Variants in COL14A1 observed in about 807,000 individuals in gnomAD.
The protein encoded by COL14A1 is collagen type XIV alpha 1 chain.
COL14A1 carries 136 observed loss-of-function variants against 230.3 expected under a neutral mutation model. That is an observed-to-expected ratio of 0.59 (90% CI 0.51 to 0.68). COL14A1 has a LOEUF of 0.68. COL14A1 is among the 30% of genes least tolerant of loss of function. COL14A1 has a pLI of 0.00. For synonymous variants in COL14A1, 792 were observed against 784.1 expected, an observed-to-expected ratio of 1.01 and a Z score of -0.17; for missense variants, 1,976 against 2,215.8, an observed-to-expected ratio of 0.89 and a Z score of 2.17.
intron 35 of COL14A1, among the ~76,000 whole-genome samples, chr8:120,300,315 T>A (rs1024162642): frequency 3.9e-5 from 6 of 152,296 alleles, no homozygotes; most frequent in Admixed American, 3.3e-4. Context: ...ACAGATATAG[T>A]TGTTTTGATT....
intron 15 of COL14A1, 120 bp downstream of exon 15, chr8:120,225,334 C>A (rs1818062118): frequency 1.2e-6 from 1 of 815,960 alleles, no homozygotes; most frequent in Non-Finnish European, 1.8e-6. Context: ...ATTTTTATTT[C>A]TTTTATGTTA....
At chr8:120,344,522 C>G (rs536638795) in intron 44 of COL14A1, among the ~76,000 whole-genome samples, 1 of 152,200 alleles carries the variant, frequency 6.6e-6, no homozygotes, top group East Asian at 1.9e-4. Context: ...CAACAATGGA[C>G]GTGCCTACTA....
At chr8:120,259,882 GTCAAAAAGAAACAGTTA>G (rs1819270499) in intron 23 of COL14A1, among the ~76,000 whole-genome samples, 1 of 152,062 alleles carries the variant, frequency 6.6e-6, no homozygotes, top group African/African-American at 2.4e-5. Flanking sequence ...ATAGCTAAGG[GTCAAAAAGAAACAGTTA>G]TTGTGGGATT....
intron 5 of COL14A1, among the ~76,000 whole-genome samples, chr8:120,185,722 A>T (rs924460480): frequency 1.3e-5 from 2 of 152,114 alleles, no homozygotes; most frequent in Non-Finnish European, 2.9e-5. Context: ...CTCTGCCGGT[A>T]ACTAGTAAGT....
chr8:120,327,857 C>G (rs1287740504), intron 40 of COL14A1, among the ~76,000 whole-genome samples: 1 of 151,972 alleles, frequency 6.6e-6, no homozygotes, highest in Non-Finnish European at 1.5e-5. Context: ...CTCCACCTCC[C>G]AGGTTCAAGT....
intron 42 of COL14A1, among the ~76,000 whole-genome samples, chr8:120,339,445 G>T (rs73706443): frequency 0.015 from 2,278 of 152,194 alleles, 49 homozygotes; most frequent in African/African-American, 0.05. Flanking sequence ...TTCCTCGGAA[G>T]CCCAGACTTT....
intron 14 of COL14A1, among the ~76,000 whole-genome samples, chr8:120,224,187 C>A (rs1402355862): frequency 2.6e-5 from 4 of 151,934 alleles, no homozygotes; most frequent in Admixed American, 6.6e-5. Flanking sequence ...CCACAACACC[C>A]AGCTAATTTT....
chr8:120,348,395 T>C (rs529406010), intron 45 of COL14A1, among the ~76,000 whole-genome samples: 4 of 151,510 alleles, frequency 2.6e-5, no homozygotes, highest in South Asian at 4.2e-4. Flanking sequence ...CCAGATGAGA[T>C]TGGAGACGAG....
intron 12 of COL14A1, among the ~76,000 whole-genome samples, chr8:120,210,941 A>G (rs72675800): frequency 6.6e-6 from 1 of 152,252 alleles, no homozygotes; most frequent in Non-Finnish European, 1.5e-5. Flanking sequence ...AATAGTGCTG[A>G]GAAGATGCTC....
intron 37 of COL14A1, 37 bp from the exon 38 acceptor site, chr8:120,313,895 C>T: frequency 7.4e-7 from 1 of 1,349,422 alleles, no homozygotes. Flanking sequence ...GAGAGTCTAA[C>T]TTACTTTTAG....
intron 19 of COL14A1, among the ~76,000 whole-genome samples, chr8:120,235,276 T>A (rs966876932): frequency 1.3e-5 from 2 of 152,058 alleles, no homozygotes; most frequent in South Asian, 4.2e-4. Context: ...TTCCAGCGAT[T>A]CTCCTGCCTC....
intron 42 of COL14A1, among the ~76,000 whole-genome samples, chr8:120,334,002 C>T (rs1447960602): frequency 6.6e-6 from 1 of 152,154 alleles, no homozygotes; most frequent in African/African-American, 2.4e-5. Context: ...TTGCCTTTTG[C>T]CACATAAGGT....
At chr8:120,208,208 T>C in intron 10 of COL14A1, 24 bp from the exon 11 acceptor site, 3 of 1,586,082 alleles carry the variant, frequency 1.9e-6, no homozygotes, top group Non-Finnish European at 2.6e-6. Context: ...CATACTCTCA[T>C]TACTCAAACT....
chr8:120,278,400 G>T, intron 27 of COL14A1, 35 bp from the exon 28 acceptor site: 4 of 1,594,882 alleles, frequency 2.5e-6, no homozygotes, highest in Non-Finnish European at 2.6e-6. Flanking sequence ...AAATGGGAGG[G>T]AGTGAAATCA....
chr8:120,162,866 C>T (rs1329222932), intron 4 of COL14A1, among the ~76,000 whole-genome samples: 1 of 152,188 alleles, frequency 6.6e-6, no homozygotes, highest in Non-Finnish European at 1.5e-5. Context: ...TTCTTAGCAT[C>T]TAGAGCTTCC....
intron 13 of COL14A1, 131 bp downstream of exon 13, chr8:120,212,708 T>G: frequency 1.0e-6 from 1 of 953,756 alleles, no homozygotes; most frequent in Admixed American, 2.8e-5. Context: ...TCTCATGTTC[T>G]ATTTAGGGCA....
chr8:120,186,666 C>A (rs576135972), intron 5 of COL14A1, among the ~76,000 whole-genome samples: 75 of 152,248 alleles, frequency 4.9e-4, no homozygotes, highest in African/African-American at 1.8e-3. Context: ...TTTCCCAGTG[C>A]GGTAGTGTGG....
chr8:120,195,421 T>G (rs889447476), intron 5 of COL14A1, among the ~76,000 whole-genome samples: 1 of 152,100 alleles, frequency 6.6e-6, no homozygotes, highest in Non-Finnish European at 1.5e-5. Context: ...TCTCTAGTCC[T>G]AACATGAAAA....
At chr8:120,127,914 C>T (rs1814396258) in intron 1 of COL14A1, among the ~76,000 whole-genome samples, 1 of 152,176 alleles carries the variant, frequency 6.6e-6, no homozygotes, top group African/African-American at 2.4e-5. Flanking sequence ...ACTGAGTTAA[C>T]AAATTATCTG....
Sources: allele counts gnomAD v4.1 joint callset (sites outside exome capture counted in the v4.1 genomes callset), GRCh38; gene constraint gnomAD v4.1.1; transcripts MANE v1.5; gene names NCBI Gene and HGNC (gene_info 2026-07-23, HGNC 2026-07-21).